Variants in ZZZ3 observed in about 807,000 individuals in gnomAD.
ZZZ3 encodes the protein zinc finger ZZ-type containing 3.
ZZZ3 carries 22 observed loss-of-function variants against 95.2 expected under a neutral mutation model. That is an observed-to-expected ratio of 0.23 (90% confidence interval 0.17 to 0.33). ZZZ3 has a LOEUF of 0.33. ZZZ3 is among the 10% of genes least tolerant of loss of function. The probability of loss-of-function intolerance (pLI) is 1.00; values close to 1 mark genes in which losing one functional copy is unlikely to be tolerated. For missense variants in ZZZ3, 885 were observed against 1,066.5 expected (o/e 0.83, Z 2.37); for synonymous variants, 335 against 358.9 (o/e 0.93, Z 0.75).
intron 1 of ZZZ3, among the ~76,000 whole-genome samples, chr1:77,665,949 G>A (rs1415214823): frequency 1.3e-5 from 2 of 152,198 alleles, no homozygotes; most frequent in African/African-American, 2.4e-5. Context: ...GCTGAGGCAG[G>A]AGAATCGCTT....
chr1:77,570,303 C>T (rs143423832), intron 12 of ZZZ3, among the ~76,000 whole-genome samples: 3,623 of 152,246 alleles, frequency 0.024, 73 homozygotes, highest in Non-Finnish European at 0.028. Context: ...CGGGGTTTCA[C>T]CGTGTTAGCC....
At position 77,632,661 on chromosome 1, in the gene ZZZ3, A is replaced by T; in HGVS notation, c.694T>A (p.Tyr232Asn). The T allele has an allele frequency of 6.2e-7, 1 of 1,614,192 alleles. No homozygotes were observed. Among genetic ancestry groups the T allele is most frequent in the Non-Finnish European group, 8.5e-7 (1 of 1,180,024 alleles). ...GNTKQNSIGSYVLQEKSVAEN... is the reference protein window; with the variant it reads ...GNTKQNSIGSNVLQEKSVAEN... The stretch of plus-strand genomic sequence containing the variant: ...GCTACTGATTTTTCCTGTAACACAT[A>T]GGAACCAATGCTATTTTGTTTAGTG... The change falls in exon 5 of 15, where the codon TAT becomes AAT. Residue 232 changes from tyrosine (Y) to asparagine (N), a missense_variant. Physicochemically the swap from Tyr to Asn is moderately radical, Grantham distance 143. Transcript: ENST00000370801.
intron 4 of ZZZ3, among the ~76,000 whole-genome samples, chr1:77,637,078 C>T (rs775067845): frequency 2.6e-5 from 4 of 152,160 alleles, no homozygotes; most frequent in Non-Finnish European, 4.4e-5. Flanking sequence ...GACCTACCAA[C>T]GAATTAGGCT....
At chr1:77,589,526 C>T (rs1458448101) in intron 5 of ZZZ3, among the ~76,000 whole-genome samples, 1 of 151,928 alleles carries the variant, frequency 6.6e-6, no homozygotes, top group Admixed American at 6.6e-5. Flanking sequence ...CGGCCTCAAA[C>T]TCCTGGGCTA....
At chr1:77,663,083 T>TA (rs1014652897) in intron 1 of ZZZ3, among the ~76,000 whole-genome samples, 3 of 150,640 alleles carry the variant, frequency 2.0e-5, no homozygotes, top group African/African-American at 7.3e-5. Flanking sequence ...CCAGGCTGGG[T>TA]AACACAGTGA....
chr1:77,575,706 G>GA (rs894564003), intron 12 of ZZZ3, among the ~76,000 whole-genome samples: 3 of 151,762 alleles, frequency 2.0e-5, no homozygotes, highest in Middle Eastern at 3.4e-3. Context: ...GAAGAAATTA[G>GA]AAAAAAAATC....
At position 77,679,400 on chromosome 1, in the gene ZZZ3, G is replaced by A. The variant is rs534782184; in HGVS notation, c.-403+3185C>T. Among the ~76,000 whole-genome samples the A allele has an allele frequency of 3.3e-5, 5 of 152,268 alleles. No homozygotes were observed. In the East Asian group the frequency reaches 9.6e-4, roughly 29 times the overall value. ...AGCTCACTGCAGTCTCAACCTTCTG[G>A]GTTCAAGCAATCCTCCCTTCTCAGC... On this transcript the variant is annotated intron_variant, in intron 1 of 14. Transcript: ENST00000370801.
chr1:77,565,145 C>T lies in ZZZ3; in HGVS notation c.*495G>A, dbSNP rs1485496441. On this transcript the variant is annotated 3_prime_UTR_variant, in exon 15 of 15. Coordinates refer to ENST00000370801, the MANE Select transcript of ZZZ3 (RefSeq NM_015534.6). ...ATTTACTAAAGGCCATCAATGACCA[C>T]CACTGGGACAGTGAGTTCTTTTAAA... The T allele has an allele frequency of 6.6e-6, 1 of 152,628 alleles. No homozygotes were observed. Among genetic ancestry groups the T allele is most frequent in the Non-Finnish European group, 1.5e-5 (1 of 68,228 alleles). 9.5% of individuals were successfully genotyped at this position (152,628 alleles called of 1,614,324 possible).
intron 5 of ZZZ3, among the ~76,000 whole-genome samples, chr1:77,607,238 C>T (rs2100708916): frequency 6.6e-6 from 1 of 152,236 alleles, no homozygotes; most frequent in Middle Eastern, 3.4e-3. Flanking sequence ...AGGACTTGTG[C>T]AGGGGAATGT....
Position 77,565,803 on chromosome 1 carries a change from A to G in ZZZ3, c.2568-19T>C, listed in dbSNP as rs1235123979. 3 of 1,602,084 alleles carry G rather than the reference A, an allele frequency of 1.9e-6. No homozygotes were observed. Among genetic ancestry groups the G allele is most frequent in the Non-Finnish European group, 2.6e-6 (3 of 1,174,196 alleles). ...ATGTAGACTGTAAAGAAAAAAAGAC[A>G]CACATCATTACATGGTAGTGGATGC... On this transcript the variant is annotated intron_variant, in intron 14 of 14. Coordinates refer to ENST00000370801, the MANE Select transcript of ZZZ3 (RefSeq NM_015534.6).
chr1:77,573,915 T>G (rs1336310748), intron 12 of ZZZ3, among the ~76,000 whole-genome samples: 1 of 151,676 alleles, frequency 6.6e-6, no homozygotes, highest in African/African-American at 2.4e-5. Context: ...ATTGAGAAAA[T>G]AATTTCAGGA....
intron 5 of ZZZ3, among the ~76,000 whole-genome samples, chr1:77,594,397 T>C (rs1332013202): frequency 6.6e-6 from 1 of 152,140 alleles, no homozygotes; most frequent in Non-Finnish European, 1.5e-5. Context: ...ATGAATGTCT[T>C]ATTTTATTAT....
intron 1 of ZZZ3, among the ~76,000 whole-genome samples, chr1:77,657,049 C>T (rs1404759607): frequency 1.3e-5 from 2 of 152,176 alleles, no homozygotes; most frequent in African/African-American, 2.4e-5. Flanking sequence ...GGTATGATCT[C>T]GGCTCACTGA....
In ZZZ3 at chr1:77,639,556, C is replaced by T. The variant is rs537959651; in HGVS notation, c.-159G>A. On this transcript the variant is annotated 5_prime_UTR_variant, in exon 4 of 15. Coordinates refer to ENST00000370801, the MANE Select transcript of ZZZ3 (RefSeq NM_015534.6). The stretch of plus-strand genomic sequence containing the variant: ...GGAGCTTAAGCATCAGGGTTTCAGA[C>T]TCTCTCAGCTTCAGCCATGAAGAAT... 3.1e-5 allele frequency: 32 copies of T among 1,047,684 alleles called. No individual in the cohort carries two copies. The South Asian group carries it at 5.7e-4, about 19-fold the overall frequency. 64.9% of individuals were successfully genotyped at this position (1,047,684 alleles called of 1,614,324 possible).
intron 5 of ZZZ3, among the ~76,000 whole-genome samples, chr1:77,630,801 AAAT>A (rs1288127360): frequency 6.6e-6 from 1 of 152,198 alleles, no homozygotes; most frequent in African/African-American, 2.4e-5. Flanking sequence ...ATGGCAAAAA[AAAT>A]ATTATGTCCC....
intron 5 of ZZZ3, among the ~76,000 whole-genome samples, chr1:77,613,014 A>G (rs1665960294): frequency 6.6e-6 from 1 of 152,088 alleles, no homozygotes. Context: ...ACCACTTACT[A>G]CCTATATGTA....
At chr1:77,627,803 G>C (rs1570549725) in intron 5 of ZZZ3, among the ~76,000 whole-genome samples, 1 of 152,124 alleles carries the variant, frequency 6.6e-6, no homozygotes, top group South Asian at 2.1e-4. Flanking sequence ...CTTTGTAAGA[G>C]CTCAAGAATC....
intron 12 of ZZZ3, among the ~76,000 whole-genome samples, chr1:77,573,485 G>A (rs958282620): frequency 3.9e-5 from 6 of 152,066 alleles, no homozygotes; most frequent in Non-Finnish European, 2.9e-5. Flanking sequence ...TCCCATAGAC[G>A]AAAATTTATG....
chr1:77,640,799 A>G (rs557490168), intron 3 of ZZZ3, among the ~76,000 whole-genome samples: 14 of 152,260 alleles, frequency 9.2e-5, no homozygotes, highest in Non-Finnish European at 2.1e-4. Context: ...AGACTGATAT[A>G]ATTACAAAAT....
Sources: gnomAD v4.1 joint callset for allele counts (sites outside exome capture counted in the v4.1 genomes callset) on GRCh38, gnomAD v4.1.1 for gene constraint, MANE v1.5 for transcripts, NCBI Gene and HGNC (gene_info 2026-07-23, HGNC 2026-07-21) for gene names.